RBM19: variants seen among roughly 807,000 people sequenced by gnomAD.
RBM19 encodes RNA binding motif protein 19, also known as probable RNA-binding protein 19.
Under a neutral mutation model 116.8 loss-of-function variants are expected in RBM19, and 94 were observed. The ratio of observed to expected loss-of-function variants is 0.80; its 90% CI spans 0.68 to 0.95. The LOEUF (loss-of-function observed/expected upper bound fraction) is 0.95. RBM19 is among the 40% of genes least tolerant of loss of function. RBM19 has a pLI of 0.00. For synonymous variants in RBM19, 475 were observed against 494.1 expected, an observed-to-expected ratio of 0.96 and a Z score of 0.51; for missense variants, 1,161 against 1,220.7, an observed-to-expected ratio of 0.95 and a Z score of 0.73.
intron 21 of RBM19, among the ~76,000 whole-genome samples, chr12:113,864,428 G>A (rs190864316): frequency 6.6e-6 from 1 of 152,334 alleles, no homozygotes; most frequent in East Asian, 1.9e-4. Context: ...ATAGAGCTGA[G>A]GATGCCTGAT....
In RBM19 at chr12:113,863,268, T is replaced by C. The variant is rs1043211394; in HGVS notation, c.2559-4372A>G. Among the ~76,000 whole-genome samples the C allele has an allele frequency of 5.9e-5, 9 of 151,836 alleles. No homozygotes were observed. The South Asian group carries it at 1.9e-3, about 32-fold the overall frequency. ...AGCGTATGGGTGGGTGGGGATTTCC[T>C]CTCTCCGTGCAAATTGCGTGCCCCC... is the stretch of plus-strand genomic sequence containing the variant. On this transcript the variant is annotated intron_variant, in intron 21 of 23. Coordinates refer to ENST00000261741, the MANE Select transcript of RBM19 (RefSeq NM_016196.4).
chr12:113,890,401 T>C (rs1880880798), intron 21 of RBM19, among the ~76,000 whole-genome samples: 1 of 152,206 alleles, frequency 6.6e-6, no homozygotes, highest in South Asian at 2.1e-4. Context: ...CATCCTGCCA[T>C]AGGTGTCTGC....
chr12:113,924,595 A>C (rs1458350676), intron 18 of RBM19, 102 bp downstream of exon 18: 2 of 1,031,378 alleles, frequency 1.9e-6, no homozygotes, highest in Non-Finnish European at 1.5e-6. Flanking sequence ...CAAAATGTGC[A>C]AGGGAGAACT....
At chr12:113,829,955 G>A (rs1174960024) in intron 23 of RBM19, among the ~76,000 whole-genome samples, 2 of 152,230 alleles carry the variant, frequency 1.3e-5, no homozygotes, top group Non-Finnish European at 2.9e-5. Context: ...CTAAGCAGCA[G>A]GCTGGCTCTG....
chr12:113,846,608 G>C (rs1173537036), intron 22 of RBM19, among the ~76,000 whole-genome samples: 2 of 152,184 alleles, frequency 1.3e-5, no homozygotes, highest in African/African-American at 4.8e-5. Flanking sequence ...ACTGTCCCCA[G>C]CAGCCAGGGG....
intron 21 of RBM19, among the ~76,000 whole-genome samples, chr12:113,872,862 C>T (rs1593515255): frequency 2.7e-5 from 3 of 112,178 alleles, no homozygotes; most frequent in African/African-American, 3.3e-5. Flanking sequence ...CCAGCCGCCC[C>T]GTCCGGGAGG....
At chr12:113,873,542 C>T (rs1484730415) in intron 21 of RBM19, among the ~76,000 whole-genome samples, 2 of 112,074 alleles carry the variant, frequency 1.8e-5, no homozygotes, top group African/African-American at 3.5e-5. Flanking sequence ...ACAAACACTG[C>T]GGAAGGCCGC....
intron 23 of RBM19, among the ~76,000 whole-genome samples, chr12:113,827,533 T>C (rs1457879327): frequency 7.5e-6 from 1 of 133,064 alleles, no homozygotes; most frequent in South Asian, 2.5e-4. Context: ...GGCGGGGGGG[T>C]GCGTCGGGAG....
At chr12:113,848,336 A>G (rs1345975064) in intron 22 of RBM19, among the ~76,000 whole-genome samples, 1 of 152,186 alleles carries the variant, frequency 6.6e-6, no homozygotes, top group Non-Finnish European at 1.5e-5. Context: ...TACCCTGCTG[A>G]GTTCTAGTCC....
chr12:113,958,173 C>T, intron 5 of RBM19, 123 bp from the exon 6 acceptor site: 1 of 1,492,928 alleles, frequency 6.7e-7, no homozygotes, highest in Non-Finnish European at 8.9e-7. Context: ...TGTCCATGGC[C>T]CCTGTGCCCA....
intron 21 of RBM19, among the ~76,000 whole-genome samples, chr12:113,889,462 A>G (rs1880783574): frequency 6.6e-6 from 1 of 152,134 alleles, no homozygotes; most frequent in South Asian, 2.1e-4. Flanking sequence ...ATCTGGGGAA[A>G]TTTTGGGGGT....
chr12:113,929,650 A>G (rs191252053), intron 16 of RBM19, among the ~76,000 whole-genome samples: 1 of 152,342 alleles, frequency 6.6e-6, no homozygotes, highest in East Asian at 1.9e-4. Context: ...GCAGTGAATG[A>G]TATTTCCACC....
chr12:113,944,293 T>C (rs1045660696), intron 13 of RBM19, among the ~76,000 whole-genome samples: 1 of 151,614 alleles, frequency 6.6e-6, no homozygotes, highest in African/African-American at 2.4e-5. Flanking sequence ...AGATGGGGTT[T>C]CTCCATGTTG....
At chr12:113,959,112 C>A (rs904403153) in intron 5 of RBM19, 100 bp downstream of exon 5, 2 of 1,347,240 alleles carry the variant, frequency 1.5e-6, no homozygotes, top group Non-Finnish European at 2.0e-6. Flanking sequence ...CAAGGGCTCA[C>A]CTGACTCCTA....
chr12:113,839,069 C>T lies in RBM19; in HGVS notation c.2785+5599G>A, dbSNP rs539576322. Among the ~76,000 whole-genome samples, 11 of 152,314 alleles carry T rather than the reference C, an allele frequency of 7.2e-5. No homozygotes were observed. The South Asian group carries it at 2.1e-3, about 29-fold the overall frequency. ...AGCTCTTTGTTGTGGCCTCAGAGCT[C>T]GGCAGTCTCCACCTGAGATCTGAGT... On this transcript the variant is annotated intron_variant, in intron 23 of 23. Transcript: ENST00000261741.
chr12:113,939,057 T>C (rs1410908084), intron 15 of RBM19, among the ~76,000 whole-genome samples: 3 of 152,218 alleles, frequency 2.0e-5, no homozygotes. Flanking sequence ...CAGAACTGAC[T>C]TTCATTCATC....
intron 22 of RBM19, among the ~76,000 whole-genome samples, chr12:113,852,037 C>T (rs1432509882): frequency 2.2e-5 from 3 of 133,336 alleles, no homozygotes; most frequent in Non-Finnish European, 1.6e-5. Context: ...AGCGACAGAA[C>T]GAGATTGTCT....
At chr12:113,818,045 A>G (rs1376151954), downstream of RBM19, 4 of 152,124 alleles carry the variant, frequency 2.6e-5, no homozygotes, top group East Asian at 7.7e-4. Context: ...CCTGGTCTAC[A>G]TGGTGAAACC....
chr12:113,905,268 C>T (rs144031711), intron 21 of RBM19, among the ~76,000 whole-genome samples: 11 of 152,214 alleles, frequency 7.2e-5, no homozygotes, highest in Non-Finnish European at 1.5e-4. Flanking sequence ...CAAATAGACC[C>T]GGGGAGCAGA....
Sources: allele counts gnomAD v4.1 joint callset (sites outside exome capture counted in the v4.1 genomes callset), GRCh38; gene constraint gnomAD v4.1.1; transcripts MANE v1.5; gene names NCBI Gene and HGNC (gene_info 2026-07-23, HGNC 2026-07-21).